The following MAU2 variants were observed in gnomAD, a reference collection of about 807,000 sequenced individuals.
MAU2 encodes the protein MAU2 sister chromatid cohesion factor, also known as MAU2 chromatid cohesion factor homolog.
Under a neutral mutation model 89.1 loss-of-function variants are expected in MAU2, and 9 were observed. The observed-to-expected ratio is 0.10, with a 90% confidence interval of 0.06 to 0.18. The LOEUF is 0.18. MAU2 is among the 10% of genes least tolerant of loss of function. The probability of loss-of-function intolerance (pLI) is 1.00; values close to 1 mark genes in which losing one functional copy is unlikely to be tolerated. For missense variants in MAU2, 425 were observed against 803.5 expected, an observed-to-expected ratio of 0.53 and a Z score of 5.69; for synonymous variants, 357 against 343.4, an observed-to-expected ratio of 1.04 and a Z score of -0.44.
Position 19,320,934 on chromosome 19 carries a change from G to T in MAU2, c.75G>T (p.Trp25Cys). Reference protein sequence around the residue: ...QAAQAEAADSWYLALLGFAEH... With the variant: ...QAAQAEAADSCYLALLGFAEH... Reference sequence around the variant, plus strand: ...CGCAGGCCGAGGCGGCCGACTCGTGGTACCTGGCGCTTCTGGGCTTCGCTG... The same window carrying T: ...CGCAGGCCGAGGCGGCCGACTCGTGTTACCTGGCGCTTCTGGGCTTCGCTG... Residue 25 changes from tryptophan to cysteine, a missense_variant, in exon 1 of 19, where the codon TGG becomes TGT. Transcript: ENST00000262815. 1 of 1,573,288 alleles carries T rather than the reference G, an allele frequency of 6.4e-7. No homozygotes were observed. The highest frequency in any genetic ancestry group is 8.6e-7 in the Non-Finnish European group (1 of 1,160,278).
In MAU2 at chr19:19,345,672, C is replaced by T. The variant is rs1483762846; in HGVS notation, c.1221+303C>T. On this transcript the variant is annotated intron_variant, in intron 12 of 18. Transcript: ENST00000262815. This position sits in a 1 kb window ranked among gnomAD's most constrained non-coding sequence, Gnocchi z 4.9. Reference sequence around the variant, plus strand: ...GTGGGAACTTTTGCGGCACCCACCCCCAAGGCTGGATTGGCTCAAGTGTCA... The same window carrying T: ...GTGGGAACTTTTGCGGCACCCACCCTCAAGGCTGGATTGGCTCAAGTGTCA... Among the ~76,000 whole-genome samples, 21 of 152,164 alleles carry T rather than the reference C, an allele frequency of 1.4e-4. No homozygotes were observed. The highest frequency in any genetic ancestry group is 1.4e-3 in the Admixed American group (21 of 15,280).
At chr19:19,323,619 A>G (rs1176554025) in intron 1 of MAU2, among the ~76,000 whole-genome samples, 1 of 151,838 alleles carries the variant, frequency 6.6e-6, no homozygotes, top group Non-Finnish European at 1.5e-5. Context: ...CAGTCCTCCC[A>G]TCTCAGCCTC....
At chr19:19,337,812 C>T (rs2061609567) in intron 4 of MAU2, among the ~76,000 whole-genome samples, 1 of 152,242 alleles carries the variant, frequency 6.6e-6, no homozygotes, top group South Asian at 2.1e-4. Flanking sequence ...CCTCATGCTC[C>T]CTTTGGCCCC....
At chr19:19,324,357 C>G (rs1476531170) in intron 1 of MAU2, among the ~76,000 whole-genome samples, 1 of 152,164 alleles carries the variant, frequency 6.6e-6, no homozygotes, top group Non-Finnish European at 1.5e-5. Flanking sequence ...ATCAGGGTCT[C>G]TCCAGGGTCA....
Position 19,345,208 on chromosome 19 carries a change from CCAGGGCAGCCGTG to C in MAU2, c.1156-91_1156-79del. ...TCGGTAGAGCCATTGTCATACTCCTCCAGGGCAGCCGTGCAGGCCCCGGGCACACCACGTGTCT... is the reference window on the plus strand; with the variant it reads ...TCGGTAGAGCCATTGTCATACTCCTCCAGGCCCCGGGCACACCACGTGTCT... On this transcript the variant is annotated intron_variant, in intron 11 of 18. Coordinates refer to ENST00000262815, the MANE Select transcript of MAU2 (RefSeq NM_015329.4). The surrounding 1 kb of genome is among the most constrained non-coding windows in gnomAD (Gnocchi z 4.9). The C allele has an allele frequency of 3.6e-6, 4 of 1,106,590 alleles. No homozygotes were observed. The highest frequency in any genetic ancestry group is 5.5e-6 in the Non-Finnish European group (4 of 726,952). 68.5% of individuals were successfully genotyped at this position (1,106,590 alleles called of 1,614,324 possible).
Position 19,356,911 on chromosome 19 carries a change from G to A in MAU2, c.*1129G>A, listed in dbSNP as rs573633876. ...TGTGGCATTCCGAGTTGGGGCGGGT[G>A]GTCGGGTCAAGATAGCAGCAGCAGG... On this transcript the variant is annotated 3_prime_UTR_variant, in exon 19 of 19. Transcript: ENST00000262815. The A allele has an allele frequency of 1.3e-5, 2 of 152,338 alleles. No homozygotes were observed. The highest frequency in any genetic ancestry group is 4.8e-5 in the African/African-American group (2 of 41,560). 9.4% of individuals were successfully genotyped at this position (152,338 alleles called of 1,614,324 possible).
At chr19:19,346,080 C>G (rs1041991893) in intron 12 of MAU2, among the ~76,000 whole-genome samples, 2 of 152,140 alleles carry the variant, frequency 1.3e-5, no homozygotes, top group African/African-American at 4.8e-5. Flanking sequence ...TGTGTGCGCC[C>G]TGACTGTTGG....
chr19:19,355,541 C>T, intron 18 of MAU2, 150 bp downstream of exon 18: 1 of 1,279,168 alleles, frequency 7.8e-7, no homozygotes, highest in South Asian at 1.4e-5. Flanking sequence ...GCCATGGGCA[C>T]CCCCACCCAA....
In MAU2 at chr19:19,320,888, AGGC is replaced by A. The variant is rs755586620; in HGVS notation, c.39_41del (p.Ala14del). 15 of 1,484,966 alleles carry A rather than the reference AGGC, an allele frequency of 1.0e-5. No individual in the cohort carries two copies. The highest frequency in any genetic ancestry group is 2.5e-5 in the East Asian group (1 of 39,542). 92.0% of individuals were successfully genotyped at this position (1,484,966 alleles called of 1,614,324 possible). On this transcript the variant is annotated inframe_deletion, in exon 1 of 19. Coordinates refer to ENST00000262815, the MANE Select transcript of MAU2 (RefSeq NM_015329.4). ...GCGGCTCAGGCGGCGGCAGCGGCCC[AGGC>A]GGCGGCGGCCCAGGCTGCGCAGGCC...
Position 19,343,880 on chromosome 19 carries a change from G to A in MAU2, c.1017G>A (p.Leu339=). The change falls in exon 10 of 19, where the codon CTG becomes CTA. Residue 339 remains leucine (L), a synonymous_variant. Coordinates refer to ENST00000262815, the MANE Select transcript of MAU2 (RefSeq NM_015329.4). Reference sequence around the variant, plus strand: ...TCCTGTCATCCTTCCAAGTGATCCTGCTGGAGCACATCATCATGTGCCGCC... The same window carrying A: ...TCCTGTCATCCTTCCAAGTGATCCTACTGGAGCACATCATCATGTGCCGCC... ...SPILSSFQVI[L]LEHIIMCRLV... is the part of the protein sequence containing the mutation. The A allele has an allele frequency of 6.2e-7, 1 of 1,613,684 alleles. No homozygotes were observed. The highest frequency in any genetic ancestry group is 8.5e-7 in the Non-Finnish European group (1 of 1,180,020).
intron 1 of MAU2, among the ~76,000 whole-genome samples, chr19:19,329,471 C>G (rs1295223959): frequency 6.6e-6 from 1 of 152,088 alleles, no homozygotes; most frequent in African/African-American, 2.4e-5. Context: ...CATGCCAGGC[C>G]CTGCATTGGT....
intron 1 of MAU2, among the ~76,000 whole-genome samples, chr19:19,322,667 C>T (rs1011440112): frequency 2.0e-5 from 3 of 151,714 alleles, no homozygotes; most frequent in Non-Finnish European, 2.9e-5. Context: ...CTCACAGCAG[C>T]GCTGTGATCC....
chr19:19,327,121 CTTTT>C (rs768273058), intron 1 of MAU2, among the ~76,000 whole-genome samples: 3 of 114,276 alleles, frequency 2.6e-5, no homozygotes, highest in African/African-American at 3.3e-5. Flanking sequence ...TCCCCAGGAG[CTTTT>C]TTTTTTTTTT....
chr19:19,321,709 C>T (rs1440832315), intron 1 of MAU2: 2 of 152,206 alleles, frequency 1.3e-5, no homozygotes. Context: ...TCAATAATGC[C>T]TGGTGTCGTA....
chr19:19,349,774 C>T (rs1489338859), intron 16 of MAU2, among the ~76,000 whole-genome samples: 1 of 152,136 alleles, frequency 6.6e-6, no homozygotes, highest in Non-Finnish European at 1.5e-5. Context: ...TGTGTTGACA[C>T]CTGAGGGGCA....
At chr19:19,344,114 T>G in intron 10 of MAU2, 174 bp downstream of exon 10, 1 of 601,996 alleles carries the variant, frequency 1.7e-6, no homozygotes, top group Non-Finnish European at 3.0e-6. Flanking sequence ...GAGAATCTCA[T>G]ACAAAAACCA....
intron 9 of MAU2, 119 bp downstream of exon 9, chr19:19,342,985 C>A: frequency 9.8e-7 from 1 of 1,023,714 alleles, no homozygotes; most frequent in Non-Finnish European, 1.5e-6. Context: ...AGCCACCCTG[C>A]CTGGTGGGTC....
Position 19,345,484 on chromosome 19 carries a change from C to G in MAU2, c.1221+115C>G. ...CTAGGTCAGCTATGCAAAGCCGCAG[C>G]CCCAGAGGCAATGCACAGTAGTCAG... On this transcript the variant is annotated intron_variant, in intron 12 of 18. Coordinates refer to ENST00000262815, the MANE Select transcript of MAU2 (RefSeq NM_015329.4). The surrounding 1 kb of genome is among the most constrained non-coding windows in gnomAD (Gnocchi z 4.9). The G allele has an allele frequency of 1.0e-6, 1 of 990,266 alleles. No individual in the cohort carries two copies. The highest frequency in any genetic ancestry group is 1.6e-6 in the Non-Finnish European group (1 of 637,798). The allele number at this position is 990,266 out of a possible 1,614,324, so 61.3% of individuals were successfully genotyped here. A position where few individuals can be genotyped will look rare whatever the true frequency, so the allele number is the denominator to read the frequency against.
chr19:19,347,401 C>T, intron 13 of MAU2, 35 bp downstream of exon 13: 1 of 1,531,938 alleles, frequency 6.5e-7, no homozygotes, highest in Non-Finnish European at 9.0e-7. Context: ...TATCCTTTCT[C>T]TCTGTTCTCT....
Sources: allele counts gnomAD v4.1 joint callset (sites outside exome capture counted in the v4.1 genomes callset), GRCh38; gene constraint gnomAD v4.1.1; non-coding constraint Gnocchi (gnomAD v3.1); transcripts MANE v1.5; gene names NCBI Gene and HGNC (gene_info 2026-07-23, HGNC 2026-07-21).